The following SYT9 variants were observed in gnomAD, a reference collection of about 807,000 sequenced individuals.
SYT9 encodes synaptotagmin 9, also known as synaptotagmin-9.
In SYT9, 22 loss-of-function variants were observed where a neutral mutation model predicts 48.4. The ratio of observed to expected loss-of-function variants is 0.45; its 90% confidence interval spans 0.32 to 0.65. The LOEUF is 0.65. Among genes scored for constraint, SYT9 ranks in the 30% least tolerant of loss-of-function variants. SYT9 has a pLI of 0.03. For missense variants in SYT9, 577 were observed against 622.0 expected, an observed-to-expected ratio of 0.93 and a Z score of 0.77; for synonymous variants, 265 against 245.0, an observed-to-expected ratio of 1.08 and a Z score of -0.76.
At position 7,303,254 on chromosome 11, in the gene SYT9, C is replaced by T. The variant is rs770047793; in HGVS notation, c.361C>T (p.Pro121Ser). ...NSEDFLDPPTPCPDSSMKISH... is the reference protein window; with the variant it reads ...NSEDFLDPPTSCPDSSMKISH... ...TGAGGACTTCCTAGATCCTCCCACG[C>T]CCTGCCCTGACTCCTCCATGAAGAT... The change falls in exon 2 of 7, where the codon CCC becomes TCC. Residue 121 changes from proline to serine, a missense_variant. By Grantham distance (74) the Pro-to-Ser change is moderately conservative. Transcript: ENST00000318881. The T allele has an allele frequency of 1.9e-6, 3 of 1,614,072 alleles. No homozygotes were observed. In the South Asian group the frequency reaches 3.3e-5, roughly 18 times the overall value.
At chr11:7,396,787 C>T (rs940974321) in intron 3 of SYT9, among the ~76,000 whole-genome samples, 3 of 152,080 alleles carry the variant, frequency 2.0e-5, no homozygotes, top group Non-Finnish European at 4.4e-5. Flanking sequence ...GGTTGTGTAG[C>T]AATATCTCAC....
intron 6 of SYT9, among the ~76,000 whole-genome samples, chr11:7,433,247 T>C (rs370809505): frequency 2.0e-3 from 312 of 152,320 alleles, no homozygotes; most frequent in African/African-American, 7.1e-3. Flanking sequence ...GCTTCCTGTA[T>C]AGCCTGCAGA....
intron 1 of SYT9, among the ~76,000 whole-genome samples, chr11:7,274,669 G>A (rs758891303): frequency 6.6e-6 from 1 of 152,114 alleles, no homozygotes; most frequent in Non-Finnish European, 1.5e-5. Flanking sequence ...TTCCTATACA[G>A]CTGGGCCCTT....
At chr11:7,298,601 G>A (rs181563626) in intron 1 of SYT9, among the ~76,000 whole-genome samples, 1 of 151,922 alleles carries the variant, frequency 6.6e-6, no homozygotes, top group African/African-American at 2.4e-5. Context: ...GTGAGTATGT[G>A]GGCTTAAATT....
chr11:7,311,149 A>G lies in SYT9; in HGVS notation c.498-2246A>G, dbSNP rs191652259. Among the ~76,000 whole-genome samples, 342 of 152,196 alleles carry G rather than the reference A, an allele frequency of 2.2e-3. 2 individuals are homozygous for G. Among genetic ancestry groups the G allele is most frequent in the Non-Finnish European group, 2.2e-3 (149 of 67,996 alleles). ...GAAACCCTGTCTCTACTAAAAATAC[A>G]AAATTAGCCAGGTGTGGTGGCGCAT... On this transcript the variant is annotated intron_variant, in intron 2 of 6. Coordinates refer to ENST00000318881, the MANE Select transcript of SYT9 (RefSeq NM_175733.4).
chr11:7,309,528 G>C (rs10769777), intron 2 of SYT9, among the ~76,000 whole-genome samples: 93,240 of 151,952 alleles, frequency 0.61, 29,522 homozygotes, highest in Admixed American at 0.71. Flanking sequence ...TGGGAGCCTC[G>C]CATTTACTGC....
intron 3 of SYT9, among the ~76,000 whole-genome samples, chr11:7,347,234 A>AT (rs1387329020): frequency 1.1e-5 from 1 of 94,596 alleles, no homozygotes; most frequent in Non-Finnish European, 2.6e-5. Context: ...TTTCATCAAA[A>AT]TATTTTTTTT....
intron 3 of SYT9, among the ~76,000 whole-genome samples, chr11:7,338,830 G>A (rs1849670127): frequency 6.6e-6 from 1 of 152,100 alleles, no homozygotes; most frequent in South Asian, 2.1e-4. Flanking sequence ...GTTTTTGAGT[G>A]GAGAGTTCTG....
intron 3 of SYT9, among the ~76,000 whole-genome samples, chr11:7,344,836 A>G (rs1564870252): frequency 6.6e-6 from 1 of 152,014 alleles, no homozygotes; most frequent in Non-Finnish European, 1.5e-5. Flanking sequence ...CAAATAGTGT[A>G]AGTGCTGCAA....
intron 3 of SYT9, among the ~76,000 whole-genome samples, chr11:7,321,708 T>G (rs543665237): frequency 3.3e-5 from 5 of 152,276 alleles, no homozygotes; most frequent in Non-Finnish European, 7.4e-5. Flanking sequence ...TATGAGCTGT[T>G]GGCAACTGAA....
intron 2 of SYT9, among the ~76,000 whole-genome samples, chr11:7,309,586 G>A (rs1051696042): frequency 1.3e-5 from 2 of 152,190 alleles, no homozygotes; most frequent in African/African-American, 4.8e-5. Flanking sequence ...CACCTGGGGT[G>A]GGGGAGGCTC....
intron 1 of SYT9, among the ~76,000 whole-genome samples, chr11:7,294,442 A>G (rs1409535096): frequency 6.6e-6 from 1 of 152,208 alleles, no homozygotes; most frequent in Non-Finnish European, 1.5e-5. Context: ...TTAAAATATG[A>G]TTTATCCTGA....
intron 3 of SYT9, among the ~76,000 whole-genome samples, chr11:7,321,350 T>C (rs1484309237): frequency 6.6e-6 from 1 of 152,270 alleles, no homozygotes; most frequent in African/African-American, 2.4e-5. Context: ...CTGATGGAGG[T>C]GGACACCTGG....
intron 3 of SYT9, among the ~76,000 whole-genome samples, chr11:7,377,536 G>T (rs919169468): frequency 3.3e-5 from 5 of 152,132 alleles, no homozygotes; most frequent in Non-Finnish European, 7.4e-5. Flanking sequence ...TTCAGTCAAG[G>T]TAGCTTCTCT....
intron 6 of SYT9, among the ~76,000 whole-genome samples, chr11:7,460,585 A>G (rs957525983): frequency 1.7e-4 from 26 of 152,198 alleles, no homozygotes; most frequent in Admixed American, 1.7e-3. Flanking sequence ...AAGCATTTCA[A>G]TATCTTAAAA....
intron 6 of SYT9, among the ~76,000 whole-genome samples, chr11:7,442,128 A>G (rs891424355): frequency 1.1e-4 from 17 of 152,088 alleles, no homozygotes; most frequent in Admixed American, 6.5e-4. Context: ...AACTCTCCAG[A>G]TAAGAGATGA....
chr11:7,265,075 A>T (rs1412201736), intron 1 of SYT9, among the ~76,000 whole-genome samples: 2 of 152,134 alleles, frequency 1.3e-5, no homozygotes, highest in African/African-American at 4.8e-5. Flanking sequence ...GCCTTAAGAG[A>T]TATTTAAGAG....
Position 7,466,730 on chromosome 11 carries a change from A to AG in SYT9, c.1468-62_1468-61insG, listed in dbSNP as rs1371772247. ...AGCAAGACTCTGTCTCAAAAAAAAA[A>AG]AAAAAAGAAAAAAAATGTATGAATG... On this transcript the variant is annotated intron_variant, in intron 6 of 6. Transcript: ENST00000318881. 3.3e-5 allele frequency: 52 copies of AG among 1,567,794 alleles called. No individual in the cohort carries two copies. In the Admixed American group the frequency reaches 6.1e-4, roughly 19 times the overall value.
At chr11:7,303,663 G>GA (rs1848980912) in intron 2 of SYT9, among the ~76,000 whole-genome samples, 1 of 152,158 alleles carries the variant, frequency 6.6e-6, no homozygotes, top group African/African-American at 2.4e-5. Flanking sequence ...AACTTAGCAT[G>GA]AAATGTATAC....
Sources: gnomAD v4.1 joint callset for allele counts (sites outside exome capture counted in the v4.1 genomes callset) on GRCh38, gnomAD v4.1.1 for gene constraint, MANE v1.5 for transcripts, NCBI Gene and HGNC (gene_info 2026-07-23, HGNC 2026-07-21) for gene names.